The following DIS3L2 variants were observed in gnomAD, a reference collection of about 807,000 sequenced individuals.
DIS3L2 encodes the protein DIS3 like 3'-5' exoribonuclease 2.
A neutral mutation model predicts 97.5 loss-of-function variants in DIS3L2; 34 were observed. That is an observed-to-expected ratio of 0.35 (90% CI 0.27 to 0.46). The LOEUF (loss-of-function observed/expected upper bound fraction) is 0.46, where lower values mean the gene tolerates loss of function less well. Among genes scored for constraint, DIS3L2 ranks in the 20% least tolerant of loss-of-function variants. The pLI, the probability that DIS3L2 is intolerant of heterozygous loss-of-function variation, is 1.00. For missense variants in DIS3L2, 1,038 were observed against 1,146.0 expected (o/e 0.91, Z 1.36); for synonymous variants, 435 against 445.2 (o/e 0.98, Z 0.29).
At chr2:232,134,829 A>G (rs1289617969) in intron 7 of DIS3L2, among the ~76,000 whole-genome samples, 2 of 152,006 alleles carry the variant, frequency 1.3e-5, no homozygotes, top group African/African-American at 2.4e-5. Context: ...AAGGTCTCCA[A>G]GAAAAAAAAA....
intron 13 of DIS3L2, among the ~76,000 whole-genome samples, chr2:232,280,025 G>A (rs1694242128): frequency 6.6e-6 from 1 of 152,176 alleles, no homozygotes; most frequent in Admixed American, 6.5e-5. Flanking sequence ...TTTATGGATT[G>A]TGCTTTTGGT....
chr2:231,968,238 C>T (rs1027536899), intron 1 of DIS3L2, among the ~76,000 whole-genome samples: 1 of 152,014 alleles, frequency 6.6e-6, no homozygotes, highest in Non-Finnish European at 1.5e-5. Flanking sequence ...GCTGGGACTA[C>T]AGGCACCTGC....
At chr2:232,012,788 AATG>A (rs1694243807) in intron 1 of DIS3L2, among the ~76,000 whole-genome samples, 1 of 152,094 alleles carries the variant, frequency 6.6e-6, no homozygotes, top group Admixed American at 6.5e-5. Context: ...AGGCCTTCAC[AATG>A]ATGTCACGGG....
At chr2:232,126,525 A>T (rs1202462438) in intron 6 of DIS3L2, among the ~76,000 whole-genome samples, 1 of 152,166 alleles carries the variant, frequency 6.6e-6, no homozygotes, top group Non-Finnish European at 1.5e-5. Context: ...TCAAATCCAC[A>T]TTCCAGCCCG....
At chr2:232,090,343 T>G (rs1696801763) in intron 6 of DIS3L2, among the ~76,000 whole-genome samples, 1 of 152,188 alleles carries the variant, frequency 6.6e-6, no homozygotes, top group Admixed American at 6.5e-5. Context: ...GTTATTTATA[T>G]TACTTCCTTA....
chr2:232,086,448 C>T (rs1203051020), intron 5 of DIS3L2, among the ~76,000 whole-genome samples: 1 of 147,394 alleles, frequency 6.8e-6, no homozygotes, highest in African/African-American at 2.5e-5. Context: ...TGAGAAAGTT[C>T]AGCCTGCAGA....
chr2:232,009,734 T>C (rs572471025), intron 1 of DIS3L2, among the ~76,000 whole-genome samples: 1 of 152,178 alleles, frequency 6.6e-6, no homozygotes, highest in Non-Finnish European at 1.5e-5. Context: ...ATGTTTGCAG[T>C]CTTGTGCATG....
intron 9 of DIS3L2, among the ~76,000 whole-genome samples, chr2:232,168,115 T>C (rs1191754976): frequency 6.6e-6 from 1 of 152,206 alleles, no homozygotes; most frequent in South Asian, 2.1e-4. Context: ...AATGTTTTTG[T>C]AGTTTATACA....
intron 14 of DIS3L2, among the ~76,000 whole-genome samples, chr2:232,309,208 G>GCATC (rs1178328360): frequency 6.9e-6 from 1 of 143,954 alleles, no homozygotes; most frequent in Admixed American, 6.8e-5. Context: ...ACTCAGAAGA[G>GCATC]CATCCCCTTT....
chr2:232,091,392 A>C (rs570205602), intron 6 of DIS3L2, among the ~76,000 whole-genome samples: 40 of 152,156 alleles, frequency 2.6e-4, no homozygotes, highest in Non-Finnish European at 4.0e-4. Context: ...CTCACAGATA[A>C]GTGAGAACAT....
At chr2:232,310,723 C>A (rs916048137) in intron 14 of DIS3L2, among the ~76,000 whole-genome samples, 1 of 152,246 alleles carries the variant, frequency 6.6e-6, no homozygotes, top group South Asian at 2.1e-4. Flanking sequence ...GCAGGCTTCT[C>A]CCTGGATACT....
intron 11 of DIS3L2, among the ~76,000 whole-genome samples, chr2:232,248,821 A>G (rs1182577661): frequency 6.6e-6 from 1 of 152,266 alleles, no homozygotes; most frequent in East Asian, 1.9e-4. Context: ...TTCAACAATA[A>G]CAATAGCTTA....
chr2:232,216,009 TC>T (rs2106224977), intron 10 of DIS3L2, among the ~76,000 whole-genome samples: 1 of 152,268 alleles, frequency 6.6e-6, no homozygotes, highest in South Asian at 2.1e-4. Flanking sequence ...TTGCCCTGCT[TC>T]CTCCTCTTGC....
intron 1 of DIS3L2, among the ~76,000 whole-genome samples, chr2:231,977,024 C>G (rs1011844418): frequency 1.3e-5 from 2 of 152,174 alleles, no homozygotes; most frequent in African/African-American, 4.8e-5. Context: ...GCCTCAGCCT[C>G]CCACGCCTGG....
At chr2:232,084,660 A>G (rs1696517191) in intron 5 of DIS3L2, among the ~76,000 whole-genome samples, 1 of 152,202 alleles carries the variant, frequency 6.6e-6, no homozygotes, top group African/African-American at 2.4e-5. Context: ...CTTCCCATTG[A>G]CAGATGAATG....
At chr2:232,012,365 A>T (rs1694225400) in intron 1 of DIS3L2, among the ~76,000 whole-genome samples, 1 of 152,204 alleles carries the variant, frequency 6.6e-6, no homozygotes, top group Admixed American at 6.5e-5. Context: ...AAAGATACAG[A>T]TGCAGCTGAT....
intron 11 of DIS3L2, among the ~76,000 whole-genome samples, chr2:232,239,087 A>G (rs191109617): frequency 3.9e-5 from 6 of 152,304 alleles, no homozygotes; most frequent in African/African-American, 1.4e-4. Flanking sequence ...TGACCTGCCC[A>G]TTACAAGATA....
chr2:232,293,473 G>A lies in DIS3L2; in HGVS notation c.1660-6567G>A, dbSNP rs1694651456. On this transcript the variant is annotated intron_variant, in intron 13 of 20. Coordinates refer to ENST00000325385, the MANE Select transcript of DIS3L2 (RefSeq NM_152383.5). This position sits in a 1 kb window ranked among gnomAD's most constrained non-coding sequence, Gnocchi z 4.6. ...GGGCCACTTTGACAGAGGAGGGACA[G>A]GCAGGAAGGGCTCCCCTGGAAGCAG... Among the ~76,000 whole-genome samples, 1 of 152,180 alleles carries A rather than the reference G, an allele frequency of 6.6e-6. No individual in the cohort carries two copies.
At chr2:232,184,134 G>A (rs1401189652) in intron 9 of DIS3L2, among the ~76,000 whole-genome samples, 1 of 152,130 alleles carries the variant, frequency 6.6e-6, no homozygotes, top group Non-Finnish European at 1.5e-5. Context: ...AATTTCCAGA[G>A]TTACACTAAA....
Sources: gnomAD v4.1 joint callset for allele counts (sites outside exome capture counted in the v4.1 genomes callset) on GRCh38, gnomAD v4.1.1 for gene constraint, Gnocchi (gnomAD v3.1) non-coding constraint, MANE v1.5 for transcripts, NCBI Gene and HGNC (gene_info 2026-07-23, HGNC 2026-07-21) for gene names.